CA5A: variants seen among roughly 807,000 people sequenced by gnomAD.
CA5A encodes the protein carbonic anhydrase 5A.
A neutral mutation model predicts 37.1 loss-of-function variants in CA5A; 28 were observed. That is an observed-to-expected ratio of 0.75 (90% CI 0.56 to 1.03). The LOEUF (loss-of-function observed/expected upper bound fraction) is 1.03. CA5A is among the 50% of genes least tolerant of loss of function. The pLI, the probability that CA5A is intolerant of heterozygous loss-of-function variation, is 0.00. For synonymous variants in CA5A, 171 were observed against 158.4 expected (o/e 1.08, Z -0.60); for missense variants, 444 against 399.9 (o/e 1.11, Z -0.94).
At chr16:87,935,238 C>G (rs1339205993) in intron 1 of CA5A, among the ~76,000 whole-genome samples, 3 of 152,200 alleles carry the variant, frequency 2.0e-5, no homozygotes, top group African/African-American at 7.2e-5. Context: ...AAAGCAGGCT[C>G]TCATTCTACG....
chr16:87,930,104 C>T (rs547334689), intron 1 of CA5A, among the ~76,000 whole-genome samples: 11 of 152,192 alleles, frequency 7.2e-5, no homozygotes, highest in Admixed American at 2.0e-4. Context: ...CCCCCATCAA[C>T]GTGCATGGTA....
rs552942280 is a variant in CA5A, at chr16:87,911,675, C to T, written c.341-6771G>A. 6.6e-6 allele frequency among the ~76,000 whole-genome samples: 1 copy of T among 152,332 alleles called. No homozygotes were observed. The highest frequency in any genetic ancestry group is 1.9e-4 in the East Asian group (1 of 5,186). On this transcript the variant is annotated intron_variant, in intron 2 of 6. Transcript: ENST00000649794. This position sits in a 1 kb window ranked among gnomAD's most constrained non-coding sequence, Gnocchi z 4.6. The stretch of plus-strand genomic sequence containing the variant: ...CAGGGGCCGCAGCCACTGCAAGCCC[C>T]TGCCCACAGAACTCCGCGACGATGG...
intron 3 of CA5A, among the ~76,000 whole-genome samples, chr16:87,903,700 C>T (rs1441615942): frequency 6.6e-6 from 1 of 152,172 alleles, no homozygotes; most frequent in Admixed American, 6.6e-5. Context: ...TCTAGTTCCA[C>T]ATTAACTGCA....
chr16:87,887,931 C>A (rs998029414), downstream of CA5A: 37 of 704,114 alleles, frequency 5.3e-5, no homozygotes, highest in African/African-American at 3.8e-4. Context: ...ATGGCACACC[C>A]CTCCATCCCA....
At chr16:87,907,965 G>A (rs184458394) in intron 2 of CA5A, among the ~76,000 whole-genome samples, 28 of 152,282 alleles carry the variant, frequency 1.8e-4, no homozygotes, top group African/African-American at 5.3e-4. Context: ...GGTTGTTTCC[G>A]TCTGGACCAT....
chr16:87,915,533 T>TA (rs2056125988), intron 2 of CA5A, among the ~76,000 whole-genome samples: 1 of 121,824 alleles, frequency 8.2e-6, no homozygotes, highest in Non-Finnish European at 1.7e-5. Context: ...AAAATTTTTT[T>TA]TTTTTTTTTT....
chr16:87,894,498 C>T (rs1459096432), intron 5 of CA5A, among the ~76,000 whole-genome samples: 1 of 151,776 alleles, frequency 6.6e-6, no homozygotes, highest in African/African-American at 2.4e-5. Flanking sequence ...GAAGGAAGCC[C>T]GGGAGTGTCC....
At chr16:87,892,090 G>C in intron 5 of CA5A, 136 bp from the exon 6 acceptor site, 2 of 696,330 alleles carry the variant, frequency 2.9e-6, no homozygotes, top group Non-Finnish European at 4.5e-6. Flanking sequence ...GGCCACTGCT[G>C]TCACACTTGC....
At chr16:87,890,207 G>A (rs2055693554) in intron 6 of CA5A, among the ~76,000 whole-genome samples, 1 of 152,312 alleles carries the variant, frequency 6.6e-6, no homozygotes, top group South Asian at 2.1e-4. Flanking sequence ...ATACAGCAGT[G>A]TTCTGAGACG....
intron 2 of CA5A, among the ~76,000 whole-genome samples, chr16:87,919,896 G>A (rs988082722): frequency 2.0e-5 from 3 of 152,120 alleles, no homozygotes; most frequent in African/African-American, 7.2e-5. Flanking sequence ...TTCAAAACTT[G>A]AACTCGGCCG....
intron 5 of CA5A, among the ~76,000 whole-genome samples, chr16:87,894,806 G>C (rs1289196382): frequency 1.3e-5 from 2 of 152,080 alleles, no homozygotes; most frequent in Non-Finnish European, 2.9e-5. Flanking sequence ...TTTGGCACAG[G>C]ATGCAGAGGT....
chr16:87,891,373 C>A (rs1234277819), intron 6 of CA5A, among the ~76,000 whole-genome samples: 3 of 150,996 alleles, frequency 2.0e-5, no homozygotes, highest in African/African-American at 7.3e-5. Context: ...GAGGCTGAGG[C>A]AGGAGAATCG....
At chr16:87,912,405 G>T (rs1597567405) in intron 2 of CA5A, among the ~76,000 whole-genome samples, 1 of 152,208 alleles carries the variant, frequency 6.6e-6, no homozygotes, top group African/African-American at 2.4e-5. Context: ...CAGATACCAC[G>T]ATTCTCAAGG....
chr16:87,895,479 A>G (rs897211777), intron 5 of CA5A, among the ~76,000 whole-genome samples: 1 of 152,248 alleles, frequency 6.6e-6, no homozygotes, highest in African/African-American at 2.4e-5. Flanking sequence ...CGGGAGGCAG[A>G]GGTTGCAGTG....
intron 3 of CA5A, among the ~76,000 whole-genome samples, chr16:87,903,430 C>T (rs1024119097): frequency 2.0e-5 from 3 of 152,132 alleles, no homozygotes; most frequent in African/African-American, 7.2e-5. Context: ...CAGAGTGATA[C>T]TCAGTCTCAA....
intron 2 of CA5A, among the ~76,000 whole-genome samples, chr16:87,917,736 A>T (rs7499335): frequency 0.026 from 3,009 of 114,060 alleles, 44 homozygotes; most frequent in African/African-American, 0.066. Context: ...CACACACATG[A>T]ACACACATGC....
At chr16:87,901,751 C>G (rs1227774147) in intron 5 of CA5A, among the ~76,000 whole-genome samples, 161 bp downstream of exon 5, 1 of 152,026 alleles carries the variant, frequency 6.6e-6, no homozygotes, top group Non-Finnish European at 1.5e-5. Context: ...CCGCACCCAG[C>G]TAGTTTTGTA....
At chr16:87,929,166 C>A (rs1018867906) in intron 1 of CA5A, among the ~76,000 whole-genome samples, 1 of 151,076 alleles carries the variant, frequency 6.6e-6, no homozygotes, top group African/African-American at 2.4e-5. Context: ...AGATGTATAG[C>A]CCTGGCTGGG....
chr16:87,906,896 G>T (rs2143972965), intron 2 of CA5A, among the ~76,000 whole-genome samples: 1 of 152,230 alleles, frequency 6.6e-6, no homozygotes, highest in Admixed American at 6.5e-5. Context: ...TACACAGAAA[G>T]AGTCCTTCCC....
Sources: allele counts gnomAD v4.1 joint callset (sites outside exome capture counted in the v4.1 genomes callset), GRCh38; gene constraint gnomAD v4.1.1; non-coding constraint Gnocchi (gnomAD v3.1); transcripts MANE v1.5; gene names NCBI Gene and HGNC (gene_info 2026-07-23, HGNC 2026-07-21).